Variants in DOCK3 observed in about 807,000 individuals in gnomAD.
DOCK3 encodes dedicator of cytokinesis protein 3.
A neutral mutation model predicts 265.6 loss-of-function variants in DOCK3; 60 were observed. The ratio of observed to expected loss-of-function variants is 0.23; its 90% CI spans 0.18 to 0.28. The LOEUF (loss-of-function observed/expected upper bound fraction) is 0.28, where lower values mean the gene tolerates loss of function less well. DOCK3 is among the 10% of genes least tolerant of loss of function. DOCK3 has a pLI of 1.00. For missense variants in DOCK3, 1,981 were observed against 2,594.3 expected, an observed-to-expected ratio of 0.76 and a Z score of 5.14; for synonymous variants, 881 against 938.0, an observed-to-expected ratio of 0.94 and a Z score of 1.11.
intron 35 of DOCK3, chr3:51,336,862 A>G: frequency 2.2e-6 from 1 of 456,202 alleles, no homozygotes; most frequent in Non-Finnish European, 4.4e-6. Flanking sequence ...TTTATAGAAA[A>G]TACAAATCAC....
intron 23 of DOCK3, among the ~76,000 whole-genome samples, chr3:51,270,435 C>A (rs1214546008): frequency 6.6e-6 from 1 of 151,546 alleles, no homozygotes; most frequent in Non-Finnish European, 1.5e-5. Context: ...AGTTTGGAAC[C>A]AAAATTGGAA....
chr3:51,217,154 G>GTTT (rs11382989), intron 14 of DOCK3, among the ~76,000 whole-genome samples: 1 of 149,226 alleles, frequency 6.7e-6, no homozygotes, highest in Non-Finnish European at 1.5e-5. Flanking sequence ...ATTTGGAAAG[G>GTTT]TTTTTTTTTT....
intron 5 of DOCK3, among the ~76,000 whole-genome samples, chr3:50,940,709 G>T (rs2076268929): frequency 6.6e-6 from 1 of 152,172 alleles, no homozygotes; most frequent in African/African-American, 2.4e-5. Context: ...AATCAAGGCA[G>T]AGTGGTACTG....
At chr3:51,243,481 G>GT (rs1044868481) in intron 21 of DOCK3, among the ~76,000 whole-genome samples, 1 of 151,790 alleles carries the variant, frequency 6.6e-6, no homozygotes, top group Admixed American at 6.6e-5. Context: ...ATTTCTTTAT[G>GT]TTTTTTATTT....
intron 12 of DOCK3, among the ~76,000 whole-genome samples, chr3:51,169,605 G>C (rs2086576267): frequency 6.6e-6 from 1 of 152,076 alleles, no homozygotes; most frequent in South Asian, 2.1e-4. Flanking sequence ...GGTGGGACGA[G>C]GGAGATGAGT....
chr3:51,229,114 C>T (rs1247540151), intron 18 of DOCK3, among the ~76,000 whole-genome samples: 1 of 152,154 alleles, frequency 6.6e-6, no homozygotes, highest in Admixed American at 6.5e-5. Context: ...TAGATTCCAC[C>T]TGTCCTTGAC....
chr3:51,259,404 T>TA (rs2079731595), intron 22 of DOCK3, among the ~76,000 whole-genome samples: 1 of 152,242 alleles, frequency 6.6e-6, no homozygotes, highest in Non-Finnish European at 1.5e-5. Flanking sequence ...ATTTTTTTTT[T>TA]ATTAGAAAAC....
chr3:51,279,715 G>A (rs1449553953), intron 26 of DOCK3, among the ~76,000 whole-genome samples: 2 of 152,118 alleles, frequency 1.3e-5, no homozygotes, highest in African/African-American at 2.4e-5. Context: ...AGCAGGATCG[G>A]CAGAGTCCAA....
At chr3:50,817,703 T>C (rs2044170622) in intron 2 of DOCK3, among the ~76,000 whole-genome samples, 1 of 152,274 alleles carries the variant, frequency 6.6e-6, no homozygotes, top group South Asian at 2.1e-4. Context: ...TATTTTTTTT[T>C]TCCCTTGCTG....
In DOCK3 at chr3:51,360,498, C is replaced by T. The variant is rs1474725826; in HGVS notation, c.4885-13C>T. ...TCTTTACTCTCTATGAAGGGGCATT[C>T]ATTTCTCAACAGGAGTTTCCAGGTT... On this transcript the variant is annotated splice_polypyrimidine_tract_variant and intron_variant, in intron 46 of 52. Transcript: ENST00000266037. 2 of 1,606,110 alleles carry T rather than the reference C, an allele frequency of 1.2e-6. No homozygotes were observed. Among genetic ancestry groups the T allele is most frequent in the African/African-American group, 1.3e-5 (1 of 74,824 alleles).
chr3:50,976,764 A>C (rs1454639839), intron 5 of DOCK3, among the ~76,000 whole-genome samples: 2 of 148,774 alleles, frequency 1.3e-5, no homozygotes, highest in East Asian at 4.0e-4. Flanking sequence ...CCCATTATTA[A>C]TGTGTGGGAG....
intron 2 of DOCK3, among the ~76,000 whole-genome samples, chr3:50,780,753 T>G: frequency 6.6e-6 from 1 of 152,148 alleles, no homozygotes; most frequent in Non-Finnish European, 1.5e-5. Context: ...AGTCATCTTA[T>G]GTGGGATAGA....
At chr3:50,888,677 A>T (rs1461523668) in intron 3 of DOCK3, among the ~76,000 whole-genome samples, 1 of 152,166 alleles carries the variant, frequency 6.6e-6, no homozygotes, top group East Asian at 1.9e-4. Context: ...AGATCAATGG[A>T]ACAGAACAGA....
chr3:51,107,390 A>C (rs2109795937), intron 9 of DOCK3, among the ~76,000 whole-genome samples: 1 of 152,340 alleles, frequency 6.6e-6, no homozygotes, highest in Admixed American at 6.5e-5. Context: ...TAGAATTCAG[A>C]ATATGAATAG....
chr3:50,677,139 G>A (rs780850707), intron 1 of DOCK3, among the ~76,000 whole-genome samples: 4 of 152,212 alleles, frequency 2.6e-5, no homozygotes, highest in Non-Finnish European at 4.4e-5. Flanking sequence ...TCAGGGCAGA[G>A]CTTAATGCTT....
intron 1 of DOCK3, among the ~76,000 whole-genome samples, chr3:50,683,011 C>T (rs1443608512): frequency 6.6e-6 from 1 of 152,236 alleles, no homozygotes; most frequent in African/African-American, 2.4e-5. Flanking sequence ...GCAGACGCAC[C>T]TCAGAACCAG....
intron 5 of DOCK3, among the ~76,000 whole-genome samples, chr3:51,043,631 G>T (rs1401630131): frequency 6.6e-6 from 1 of 151,408 alleles, no homozygotes; most frequent in African/African-American, 2.4e-5. Context: ...GAAACTGAAT[G>T]GGGTAAACAG....
chr3:51,010,380 C>T (rs182297498), intron 5 of DOCK3, among the ~76,000 whole-genome samples: 350 of 152,264 alleles, frequency 2.3e-3, no homozygotes, highest in African/African-American at 8.0e-3. Context: ...TAATAGTCTT[C>T]TTTGTCTCTT....
chr3:51,140,979 G>T (rs1404469748), intron 9 of DOCK3, among the ~76,000 whole-genome samples: 1 of 151,926 alleles, frequency 6.6e-6, no homozygotes, highest in Non-Finnish European at 1.5e-5. Flanking sequence ...ATATATTATA[G>T]GTACAAGTCC....
Sources: gnomAD v4.1 joint callset for allele counts (sites outside exome capture counted in the v4.1 genomes callset) on GRCh38, gnomAD v4.1.1 for gene constraint, MANE v1.5 for transcripts, NCBI Gene and HGNC (gene_info 2026-07-23, HGNC 2026-07-21) for gene names.